ST18: variants seen among roughly 807,000 people sequenced by gnomAD.
ST18 encodes suppression of tumorigenicity 18 protein.
Under a neutral mutation model 110.0 loss-of-function variants are expected in ST18, and 50 were observed. That is an observed-to-expected ratio of 0.45 (90% CI 0.36 to 0.58). The LOEUF is 0.58. Ranked by LOEUF, ST18 falls within the 20% of genes least tolerant of loss-of-function variation. ST18 has a pLI of 0.00. For missense variants in ST18, 1,306 were observed against 1,280.1 expected (o/e 1.02, Z -0.31); for synonymous variants, 461 against 452.4 (o/e 1.02, Z -0.24).
At chr8:52,150,204 T>C (rs973966939) in intron 15 of ST18, among the ~76,000 whole-genome samples, 55 of 152,184 alleles carry the variant, frequency 3.6e-4, no homozygotes, top group African/African-American at 1.3e-3. Context: ...GTAAGCTTAA[T>C]GTAAATAAGA....
At chr8:52,339,090 C>T (rs1405758763) in intron 2 of ST18, among the ~76,000 whole-genome samples, 2 of 152,118 alleles carry the variant, frequency 1.3e-5, no homozygotes, top group Admixed American at 6.5e-5. Context: ...AAAATCAAGG[C>T]TTTGGCAGGA....
At chr8:52,389,486 C>T (rs1041685346) in intron 2 of ST18, among the ~76,000 whole-genome samples, 3 of 152,180 alleles carry the variant, frequency 2.0e-5, no homozygotes, top group Non-Finnish European at 2.9e-5. Flanking sequence ...GCACATTCTT[C>T]TGAGCACACC....
At chr8:52,117,271 C>A (rs1451695762) in intron 24 of ST18, among the ~76,000 whole-genome samples, 2 of 152,208 alleles carry the variant, frequency 1.3e-5, no homozygotes, top group Non-Finnish European at 2.9e-5. Context: ...AACACTCTTT[C>A]TCCATACTTG....
rs1174044085 is a variant in ST18, at chr8:52,120,904, G to A, written c.2756-2463C>T. 2.6e-5 allele frequency among the ~76,000 whole-genome samples: 4 copies of A among 152,122 alleles called. No individual in the cohort carries two copies. The East Asian group carries it at 7.7e-4, about 29-fold the overall frequency. ...TGCAGGCAGAATTTGCAGGACTTGT[G>A]AGGGCTAGAGGTAGGGGGTGAGAGA... On this transcript the variant is annotated intron_variant, in intron 23 of 25. Coordinates refer to ENST00000689386, the MANE Select transcript of ST18 (RefSeq NM_001352837.2).
At chr8:52,305,174 A>G (rs2095793749) in intron 2 of ST18, among the ~76,000 whole-genome samples, 1 of 152,192 alleles carries the variant, frequency 6.6e-6, no homozygotes, top group Non-Finnish European at 1.5e-5. Flanking sequence ...TAGTTCAGGT[A>G]ATGTCTATAT....
chr8:52,161,771 A>G (rs2133203851), intron 13 of ST18, among the ~76,000 whole-genome samples: 1 of 152,320 alleles, frequency 6.6e-6, no homozygotes, highest in African/African-American at 2.4e-5. Context: ...TCTGGGCTCT[A>G]CATCACTACA....
chr8:52,168,732 G>A (rs778611020), intron 10 of ST18, among the ~76,000 whole-genome samples: 8 of 152,088 alleles, frequency 5.3e-5, no homozygotes, highest in Non-Finnish European at 1.0e-4. Context: ...TCTGCATTTC[G>A]TAATAGACAA....
chr8:52,206,936 G>A (rs1398710550), intron 8 of ST18, among the ~76,000 whole-genome samples: 2 of 151,956 alleles, frequency 1.3e-5, no homozygotes, highest in African/African-American at 2.4e-5. Context: ...ATGGACTTAC[G>A]GAAGACTTAC....
chr8:52,116,466 G>A (rs935035018), intron 24 of ST18, 48 bp from the exon 25 acceptor site: 1 of 1,566,974 alleles, frequency 6.4e-7, no homozygotes, highest in Admixed American at 1.8e-5. Context: ...TTTGGAAGGA[G>A]TGTAAAAGGT....
chr8:52,331,869 C>T (rs1011364564), intron 2 of ST18, among the ~76,000 whole-genome samples: 1 of 152,146 alleles, frequency 6.6e-6, no homozygotes, highest in Non-Finnish European at 1.5e-5. Context: ...AGCAAGCACT[C>T]AGTAAATGCT....
intron 8 of ST18, among the ~76,000 whole-genome samples, chr8:52,184,671 A>T (rs1312424648): frequency 6.6e-6 from 1 of 152,210 alleles, no homozygotes; most frequent in Non-Finnish European, 1.5e-5. Context: ...AGAGTTTTCA[A>T]CTTACCTACT....
intron 8 of ST18, among the ~76,000 whole-genome samples, chr8:52,205,932 T>C (rs2079870328): frequency 6.6e-6 from 1 of 152,186 alleles, no homozygotes; most frequent in Admixed American, 6.5e-5. Flanking sequence ...GTCTGAAGGT[T>C]AGGATACTTT....
intron 9 of ST18, among the ~76,000 whole-genome samples, chr8:52,179,101 T>C (rs947346142): frequency 6.6e-6 from 1 of 152,236 alleles, no homozygotes; most frequent in African/African-American, 2.4e-5. Context: ...AAAATTCACA[T>C]TCAGAAAAAA....
chr8:52,250,445 CAAAAAAAAAAAAAAAAA>C (rs1159770176), intron 2 of ST18, among the ~76,000 whole-genome samples: 3 of 4,280 alleles, frequency 7.0e-4, no homozygotes, highest in Non-Finnish European at 1.3e-3. Context: ...GCCTCAAAGG[CAAAAAAAAAAAAAAAAA>C]AAAAAAAAAA....
intron 2 of ST18, among the ~76,000 whole-genome samples, chr8:52,262,336 C>T (rs1300909327): frequency 3.9e-5 from 6 of 152,218 alleles, no homozygotes; most frequent in Non-Finnish European, 7.3e-5. Flanking sequence ...AGCACTGACA[C>T]GCCTTTGAAG....
At chr8:52,340,200 C>A (rs990776148) in intron 2 of ST18, among the ~76,000 whole-genome samples, 1 of 152,274 alleles carries the variant, frequency 6.6e-6, no homozygotes, top group Non-Finnish European at 1.5e-5. Flanking sequence ...TGAGCCTCAA[C>A]TCTAAGAAAG....
chr8:52,213,831 G>C (rs1182579825), intron 7 of ST18, among the ~76,000 whole-genome samples: 1 of 152,102 alleles, frequency 6.6e-6, no homozygotes, highest in Non-Finnish European at 1.5e-5. Flanking sequence ...ATCAAAACCT[G>C]CTTTGACAAT....
intron 23 of ST18, among the ~76,000 whole-genome samples, chr8:52,124,710 G>A (rs2046303809): frequency 6.6e-6 from 1 of 152,088 alleles, no homozygotes; most frequent in African/African-American, 2.4e-5. Context: ...GAAGAGGCAG[G>A]CCTGTCCCCA....
In ST18 at chr8:52,339,809, T is replaced by A. The variant is rs1323602884; in HGVS notation, c.-465+69519A>T. Among the ~76,000 whole-genome samples the A allele has an allele frequency of 5.9e-5, 9 of 152,372 alleles. No individual in the cohort carries two copies. In the East Asian group the frequency reaches 1.7e-3, roughly 29 times the overall value. On this transcript the variant is annotated intron_variant, in intron 2 of 25. Transcript: ENST00000689386. The stretch of plus-strand genomic sequence containing the variant: ...CACCCCTTTCCGAGTTCTATTTTAG[T>A]TATTTGGATGCTACTCATTTTTGTG...
Sources: allele counts gnomAD v4.1 joint callset (sites outside exome capture counted in the v4.1 genomes callset), GRCh38; gene constraint gnomAD v4.1.1; transcripts MANE v1.5; gene names NCBI Gene and HGNC (gene_info 2026-07-23, HGNC 2026-07-21).